PABPC4L: variants seen among roughly 807,000 people sequenced by gnomAD.
The protein encoded by PABPC4L is polyadenylate-binding protein 4-like.
For synonymous variants in PABPC4L, 169 were observed against 164.1 expected (o/e 1.03, Z -0.23); for missense variants, 452 against 451.4 (o/e 1.00, Z -0.01).
At chr4:134,031,474 A>G in the PABPC4L span, among the ~76,000 whole-genome samples, 1 of 152,014 alleles carries the variant, frequency 6.6e-6, no homozygotes, top group Non-Finnish European at 1.5e-5. Context: ...TTTGTAAAAT[A>G]GACACATTTT....
chr4:134,107,463 G>T, the PABPC4L span, among the ~76,000 whole-genome samples: 1 of 151,526 alleles, frequency 6.6e-6, no homozygotes, highest in South Asian at 2.1e-4. Flanking sequence ...ATGAAAACTT[G>T]TCTATAAAAT....
At chr4:133,961,939 C>T in the PABPC4L span, among the ~76,000 whole-genome samples, 1 of 152,172 alleles carries the variant, frequency 6.6e-6, no homozygotes, top group Non-Finnish European at 1.5e-5. Flanking sequence ...GATTCCATTC[C>T]TTGGAATCCA....
chr4:134,052,583 C>T, the PABPC4L span, among the ~76,000 whole-genome samples: 1 of 151,762 alleles, frequency 6.6e-6, no homozygotes, highest in East Asian at 1.9e-4. Flanking sequence ...CTTGTCGGTT[C>T]ATTTCTCCCT....
the PABPC4L span, among the ~76,000 whole-genome samples, chr4:134,069,743 C>T: frequency 6.6e-6 from 1 of 152,054 alleles, no homozygotes; most frequent in African/African-American, 2.4e-5. Flanking sequence ...TCCTTAAAAT[C>T]CTTGCGTTGG....
At chr4:134,058,617 G>T in the PABPC4L span, among the ~76,000 whole-genome samples, 2 of 151,866 alleles carry the variant, frequency 1.3e-5, no homozygotes, top group Non-Finnish European at 2.9e-5. Context: ...GAGTGTGAAG[G>T]CAAGGTAGAT....
the PABPC4L span, among the ~76,000 whole-genome samples, chr4:134,189,469 A>G: frequency 2.6e-5 from 4 of 152,126 alleles, no homozygotes; most frequent in African/African-American, 7.2e-5. Flanking sequence ...TACATGGTAT[A>G]CATACATGTA....
At chr4:134,044,630 A>T in the PABPC4L span, among the ~76,000 whole-genome samples, 1 of 152,170 alleles carries the variant, frequency 6.6e-6, no homozygotes, top group Non-Finnish European at 1.5e-5. Flanking sequence ...TCTTTCTCTG[A>T]TTATACTTGT....
the PABPC4L span, among the ~76,000 whole-genome samples, chr4:134,179,801 C>G: frequency 6.6e-6 from 1 of 151,958 alleles, no homozygotes; most frequent in Non-Finnish European, 1.5e-5. Context: ...AATGCATTAC[C>G]TAATGGTAAA....
At chr4:133,956,110 AC>A in the PABPC4L span, among the ~76,000 whole-genome samples, 7 of 152,190 alleles carry the variant, frequency 4.6e-5, no homozygotes, top group Non-Finnish European at 2.9e-5. Flanking sequence ...TTTCTCATTA[AC>A]TTAACAGAAT....
At chr4:134,002,291 A>G in the PABPC4L span, among the ~76,000 whole-genome samples, 1 of 151,894 alleles carries the variant, frequency 6.6e-6, no homozygotes. Context: ...AATACAAAAT[A>G]TTATATTAAA....
the PABPC4L span, among the ~76,000 whole-genome samples, chr4:134,148,028 G>A: frequency 2.0e-5 from 3 of 152,020 alleles, no homozygotes; most frequent in African/African-American, 4.8e-5. Context: ...TTCCCAAGAT[G>A]ATTATTTGAA....
At chr4:134,054,617 C>G in the PABPC4L span, among the ~76,000 whole-genome samples, 1 of 152,030 alleles carries the variant, frequency 6.6e-6, no homozygotes, top group East Asian at 1.9e-4. Context: ...TGTTATATAA[C>G]TGTAACTAAC....
the PABPC4L span, among the ~76,000 whole-genome samples, chr4:134,012,070 T>G: frequency 1.3e-5 from 2 of 152,194 alleles, no homozygotes; most frequent in South Asian, 4.1e-4. Context: ...CTTTTGGGCT[T>G]TAGAGTCTGT....
At chr4:133,979,876 G>T in the PABPC4L span, among the ~76,000 whole-genome samples, 11 of 152,170 alleles carry the variant, frequency 7.2e-5, no homozygotes, top group African/African-American at 2.2e-4. Flanking sequence ...AAAAAAATCA[G>T]ATGTTTCAAA....
the PABPC4L span, among the ~76,000 whole-genome samples, chr4:133,968,388 T>A: frequency 1.3e-5 from 2 of 152,184 alleles, no homozygotes; most frequent in South Asian, 2.1e-4. Flanking sequence ...AAATGTCAAG[T>A]TCTTGGTCAG....
the PABPC4L span, among the ~76,000 whole-genome samples, chr4:134,116,084 C>T: frequency 6.6e-6 from 1 of 151,594 alleles, no homozygotes; most frequent in Admixed American, 6.6e-5. Flanking sequence ...AGAGAGGGTC[C>T]CACTTTCAGA....
chr4:134,129,888 T>C, the PABPC4L span, among the ~76,000 whole-genome samples: 1 of 151,630 alleles, frequency 6.6e-6, no homozygotes, highest in South Asian at 2.1e-4. Flanking sequence ...ACCAACATGG[T>C]GAAACTTCGT....
chr4:134,184,037 C>A, the PABPC4L span, among the ~76,000 whole-genome samples: 2 of 151,708 alleles, frequency 1.3e-5, no homozygotes, highest in African/African-American at 4.8e-5. Context: ...TCAAGACAAT[C>A]TTAAGTAAGA....
the PABPC4L span, among the ~76,000 whole-genome samples, chr4:134,182,009 A>C: frequency 6.6e-5 from 10 of 151,632 alleles, no homozygotes; most frequent in Admixed American, 6.6e-4. Flanking sequence ...GTAAAAAAAA[A>C]AAACAAAAAT....
Sources: gnomAD v4.1 joint callset for allele counts (sites outside exome capture counted in the v4.1 genomes callset) on GRCh38, gnomAD v4.1.1 for gene constraint, MANE v1.5 for transcripts, NCBI Gene and HGNC (gene_info 2026-07-23, HGNC 2026-07-21) for gene names.